The following PRR5 variants were observed in gnomAD, a reference collection of about 807,000 sequenced individuals.
PRR5 encodes proline-rich protein 5.
A neutral mutation model predicts 30.6 loss-of-function variants in PRR5; 25 were observed. The ratio of observed to expected loss-of-function variants is 0.82; its 90% confidence interval spans 0.60 to 1.14. The LOEUF (loss-of-function observed/expected upper bound fraction) is 1.14, where lower values mean the gene tolerates loss of function less well. Among genes scored for constraint, PRR5 ranks in the 50% most tolerant of loss-of-function variants. The probability of loss-of-function intolerance (pLI) is 0.00; values close to 1 mark genes in which losing one functional copy is unlikely to be tolerated. For missense variants in PRR5, 600 were observed against 547.1 expected (o/e 1.10, Z -0.96); for synonymous variants, 286 against 247.1 (o/e 1.16, Z -1.48).
intron 6 of PRR5, among the ~76,000 whole-genome samples, chr22:44,733,811 T>C (rs995060939): frequency 2.0e-5 from 3 of 152,096 alleles, no homozygotes; most frequent in Admixed American, 2.0e-4. Flanking sequence ...GGCCAGGACA[T>C]AGGAGCCTGT....
intron 7 of PRR5, among the ~76,000 whole-genome samples, 162 bp downstream of exon 7, chr22:44,735,324 C>T (rs1247347793): frequency 6.6e-6 from 1 of 152,290 alleles, no homozygotes; most frequent in Non-Finnish European, 1.5e-5. Context: ...CTGGCCTGGA[C>T]GTGGGGATCC....
At chr22:44,670,126 G>A (rs76154977) in intron 1 of PRR5, among the ~76,000 whole-genome samples, 4,996 of 152,308 alleles carry the variant, frequency 0.033, 247 homozygotes, top group African/African-American at 0.11. Context: ...AACATCGGAT[G>A]AGGGGGACAA....
intron 2 of PRR5, among the ~76,000 whole-genome samples, chr22:44,717,466 C>T (rs1406119759): frequency 6.6e-6 from 1 of 151,652 alleles, no homozygotes; most frequent in East Asian, 1.9e-4. Context: ...TGCTGGGATT[C>T]CAGGCGTGAG....
At chr22:44,696,581 G>A (rs897076107) in intron 1 of PRR5, among the ~76,000 whole-genome samples, 4 of 152,144 alleles carry the variant, frequency 2.6e-5, no homozygotes, top group Non-Finnish European at 4.4e-5. Context: ...CGTGTCTTGG[G>A]TGCACAGAAC....
At chr22:44,684,155 G>T (rs1020907543) in intron 1 of PRR5, among the ~76,000 whole-genome samples, 9 of 152,198 alleles carry the variant, frequency 5.9e-5, no homozygotes, top group Non-Finnish European at 1.2e-4. Context: ...GGCCACCCCA[G>T]CCCCCACCCC....
chr22:44,672,257 G>A (rs568480514), upstream of PRR5, among the ~76,000 whole-genome samples: 63 of 152,312 alleles, frequency 4.1e-4, no homozygotes, highest in Non-Finnish European at 7.5e-4. Flanking sequence ...GCTGGGGCAA[G>A]TGGGGATGGG....
In PRR5 at chr22:44,702,571, C is replaced by G; in HGVS notation, c.97C>G (p.Gln33Glu). Residue 33 changes from glutamine to glutamate, a missense_variant, in exon 1 of 8, where the codon CAG (glutamine) becomes GAG (glutamate). Transcript: ENST00000336985. ...PAAAADERGTQQRRACANATW... is the reference protein window; with the variant it reads ...PAAAADERGTEQRRACANATW... The stretch of plus-strand genomic sequence containing the variant: ...CGCCGCCGCGGACGAGCGGGGCACG[C>G]AGCAGCGCCGGGCCTGCGCCAACGC... 1 of 1,416,264 alleles carries G rather than the reference C, an allele frequency of 7.1e-7. No individual in the cohort carries two copies. The highest frequency in any genetic ancestry group is 9.2e-7 in the Non-Finnish European group (1 of 1,083,612). 87.7% of individuals were successfully genotyped at this position (1,416,264 alleles called of 1,614,324 possible). A position where few individuals can be genotyped will look rare whatever the true frequency, so the allele number is the denominator to read the frequency against.
chr22:44,696,441 G>C, intron 1 of PRR5, among the ~76,000 whole-genome samples: 1 of 152,206 alleles, frequency 6.6e-6, no homozygotes, highest in East Asian at 1.9e-4. Context: ...GCTGACAGGT[G>C]GGAAGGTGGC....
At chr22:44,731,889 A>G in intron 5 of PRR5, 68 bp downstream of exon 5, 1 of 1,507,368 alleles carries the variant, frequency 6.6e-7, no homozygotes, top group South Asian at 1.2e-5. Context: ...CTCACTCTAC[A>G]GAGGGGGGCC....
intron 1 of PRR5, among the ~76,000 whole-genome samples, chr22:44,689,744 G>A (rs1925076933): frequency 6.6e-6 from 1 of 152,204 alleles, no homozygotes; most frequent in Non-Finnish European, 1.5e-5. Context: ...CACCTCCTGA[G>A]TTCAAGCAAT....
intron 3 of PRR5, 125 bp from the exon 4 acceptor site, chr22:44,726,452 A>T: frequency 7.2e-7 from 1 of 1,393,916 alleles, no homozygotes; most frequent in African/African-American, 1.4e-5. Context: ...GTGGGACCTC[A>T]GTGAGTCTCC....
chr22:44,732,530 G>C (rs1922219405), intron 6 of PRR5, 139 bp downstream of exon 6: 1 of 1,339,086 alleles, frequency 7.5e-7, no homozygotes, highest in Non-Finnish European at 1.0e-6. Context: ...AAGCCTGTCA[G>C]GGCCAGGGAC....
intron 3 of PRR5, among the ~76,000 whole-genome samples, chr22:44,726,148 C>G (rs904307976): frequency 1.3e-5 from 2 of 152,208 alleles, no homozygotes; most frequent in African/African-American, 2.4e-5. Context: ...TGAGACCACA[C>G]AGCGTGGTTC....
intron 1 of PRR5, among the ~76,000 whole-genome samples, chr22:44,683,323 C>T (rs1030442195): frequency 1.3e-5 from 2 of 152,200 alleles, no homozygotes; most frequent in East Asian, 1.9e-4. Context: ...GCTTGGGGAG[C>T]GACAGAGTTT....
upstream of PRR5, among the ~76,000 whole-genome samples, chr22:44,674,433 C>G (rs533028393): frequency 1.3e-5 from 2 of 151,950 alleles, no homozygotes; most frequent in East Asian, 1.9e-4. Context: ...GTCAAGAGTT[C>G]AAGACCAGGC....
rs184509164 is a variant in PRR5, at chr22:44,688,913, G to A, written c.-11+11673G>A. On this transcript the variant is annotated intron_variant, in intron 1 of 8. Transcript: ENST00000006251. ...TGAAGCAGGAGACTGGCTTGAATTCGGGAGGTGGAGGTTGCAGTGAGCCGA... is the reference window on the plus strand; with the variant it reads ...TGAAGCAGGAGACTGGCTTGAATTCAGGAGGTGGAGGTTGCAGTGAGCCGA... Among the ~76,000 whole-genome samples, 24 of 152,166 alleles carry A rather than the reference G, an allele frequency of 1.6e-4. No homozygotes were observed. In the East Asian group the frequency reaches 4.6e-3, roughly 29 times the overall value.
At position 44,736,790 on chromosome 22, in the gene PRR5, G is replaced by A. The variant is rs753420006; in HGVS notation, c.710G>A (p.Arg237His). 1.7e-5 allele frequency: 27 copies of A among 1,555,046 alleles called. No individual in the cohort carries two copies. Among genetic ancestry groups the A allele is most frequent in the Middle Eastern group, 2.2e-4 (1 of 4,614 alleles). ...TCCCCAGAAAAGCGCCTCCTCCGCC[G>A]CTCCCGCTCGGGGGACGTGCTGGCC... ...SCILEKRLLR[R>H]SRSGDVLAKN... is the part of the protein sequence containing the mutation. Residue 237 changes from arginine (R) to histidine (H), a missense_variant, in exon 8 of 8, where the codon CGC (arginine) becomes CAC (histidine). Physicochemically the swap from Arg to His is conservative, Grantham distance 29 (BLOSUM62 0). Coordinates refer to ENST00000336985, the MANE Select transcript of PRR5 (RefSeq NM_181333.4).
chr22:44,684,970 G>A (rs1268572351), intron 1 of PRR5, among the ~76,000 whole-genome samples: 1 of 152,202 alleles, frequency 6.6e-6, no homozygotes, highest in African/African-American at 2.4e-5. Context: ...GGCCCGGCAC[G>A]AAGTAGGCGC....
chr22:44,735,414 G>A (rs1035973510), intron 7 of PRR5, among the ~76,000 whole-genome samples: 5 of 152,214 alleles, frequency 3.3e-5, no homozygotes, highest in African/African-American at 1.2e-4. Flanking sequence ...TCCCCAGGAG[G>A]CCACATTCAT....
Sources: allele counts gnomAD v4.1 joint callset (sites outside exome capture counted in the v4.1 genomes callset), GRCh38; gene constraint gnomAD v4.1.1; transcripts MANE v1.5; gene names NCBI Gene and HGNC (gene_info 2026-07-23, HGNC 2026-07-21).